The following SOX5 variants were observed in gnomAD, a reference collection of about 807,000 sequenced individuals.
SOX5 encodes the protein transcription factor SOX-5.
A neutral mutation model predicts 92.0 loss-of-function variants in SOX5; 9 were observed. That is an observed-to-expected ratio of 0.10 (90% confidence interval 0.06 to 0.17). SOX5 has a LOEUF of 0.17. Ranked by LOEUF, SOX5 falls within the 10% of genes least tolerant of loss-of-function variation. The pLI, the probability that SOX5 is intolerant of heterozygous loss-of-function variation, is 1.00. For synonymous variants in SOX5, 344 were observed against 336.3 expected, an observed-to-expected ratio of 1.02 and a Z score of -0.25; for missense variants, 642 against 944.5, an observed-to-expected ratio of 0.68 and a Z score of 4.20.
intron 3 of SOX5, among the ~76,000 whole-genome samples, chr12:23,843,569 T>TTA (rs2096542390): frequency 7.6e-6 from 1 of 130,946 alleles, no homozygotes; most frequent in Admixed American, 7.7e-5. Flanking sequence ...TTTTTTTTTT[T>TTA]TTTTTTTTTT....
chr12:24,435,408 A>G (rs1295048542), intron 1 of SOX5, among the ~76,000 whole-genome samples: 1 of 152,232 alleles, frequency 6.6e-6, no homozygotes, highest in Non-Finnish European at 1.5e-5. Context: ...TTGGGTCACT[A>G]TCATTCACAA....
intron 1 of SOX5, among the ~76,000 whole-genome samples, chr12:23,910,839 A>C (rs1311667541): frequency 6.6e-6 from 1 of 152,070 alleles, no homozygotes; most frequent in Non-Finnish European, 1.5e-5. Context: ...TTCAACATAA[A>C]ATGTATATTT....
At chr12:24,067,672 T>C (rs1940985104) in intron 4 of SOX5, among the ~76,000 whole-genome samples, 1 of 152,186 alleles carries the variant, frequency 6.6e-6, no homozygotes, top group East Asian at 1.9e-4. Flanking sequence ...TTATGGATTA[T>C]ACATACTCTT....
chr12:24,506,046 T>A (rs372189888), intron 1 of SOX5, among the ~76,000 whole-genome samples: 1 of 152,204 alleles, frequency 6.6e-6, no homozygotes, highest in Non-Finnish European at 1.5e-5. Context: ...CCTCATGATA[T>A]ACTATTAATA....
At chr12:23,650,111 C>A (rs1275157046) in intron 7 of SOX5, among the ~76,000 whole-genome samples, 3 of 152,096 alleles carry the variant, frequency 2.0e-5, no homozygotes, top group East Asian at 1.9e-4. Context: ...TACACACATA[C>A]AATCCCTGTC....
chr12:24,481,181 G>A (rs533214149), intron 1 of SOX5, among the ~76,000 whole-genome samples: 97 of 152,158 alleles, frequency 6.4e-4, no homozygotes, highest in African/African-American at 2.2e-3. Context: ...GCATATTCTC[G>A]CTTATGTGTG....
chr12:23,589,345 C>T (rs1951194690), intron 9 of SOX5, among the ~76,000 whole-genome samples: 3 of 151,834 alleles, frequency 2.0e-5, no homozygotes, highest in South Asian at 2.1e-4. Context: ...AGGATCAACT[C>T]GACTCTTCAG....
intron 9 of SOX5, among the ~76,000 whole-genome samples, chr12:23,596,948 A>C (rs928713458): frequency 6.6e-6 from 1 of 152,212 alleles, no homozygotes; most frequent in Non-Finnish European, 1.5e-5. Context: ...TCCCTAAACG[A>C]CTTAGGTTTT....
intron 11 of SOX5, among the ~76,000 whole-genome samples, chr12:23,548,267 T>C (rs907232940): frequency 3.3e-5 from 5 of 152,102 alleles, no homozygotes; most frequent in African/African-American, 1.2e-4. Flanking sequence ...TCCAAGGTTC[T>C]GAGTTCAGCT....
At chr12:24,296,746 T>A (rs1318048730) in intron 2 of SOX5, among the ~76,000 whole-genome samples, 1 of 151,854 alleles carries the variant, frequency 6.6e-6, no homozygotes, top group Non-Finnish European at 1.5e-5. Flanking sequence ...GTAGATTTCT[T>A]GTCCTAACTA....
chr12:23,544,147 A>G (rs1280705756), intron 12 of SOX5, among the ~76,000 whole-genome samples: 1 of 152,238 alleles, frequency 6.6e-6, no homozygotes, highest in Non-Finnish European at 1.5e-5. Flanking sequence ...AAAGTTATCC[A>G]AAGAGTCCCA....
At chr12:24,090,692 T>G (rs1055352379) in intron 4 of SOX5, among the ~76,000 whole-genome samples, 9 of 152,204 alleles carry the variant, frequency 5.9e-5, no homozygotes, top group African/African-American at 1.7e-4. Context: ...TTACCCCATA[T>G]ACTATCAATG....
intron 6 of SOX5, among the ~76,000 whole-genome samples, chr12:23,696,774 T>C (rs1290069389): frequency 6.6e-6 from 1 of 152,174 alleles, no homozygotes; most frequent in Non-Finnish European, 1.5e-5. Flanking sequence ...ATCACAAATT[T>C]GGAATATGTT....
At chr12:24,490,028 T>G (rs1392031845) in intron 1 of SOX5, among the ~76,000 whole-genome samples, 2 of 152,232 alleles carry the variant, frequency 1.3e-5, no homozygotes, top group African/African-American at 4.8e-5. Flanking sequence ...GTAGAAGCCC[T>G]CACAGCAAAC....
chr12:24,219,195 A>G (rs575064802), intron 3 of SOX5, among the ~76,000 whole-genome samples: 1 of 152,258 alleles, frequency 6.6e-6, no homozygotes, highest in Non-Finnish European at 1.5e-5. Context: ...GATGATTAAT[A>G]GGGTTCAAAA....
intron 2 of SOX5, among the ~76,000 whole-genome samples, chr12:24,340,695 G>A (rs1316481739): frequency 1.3e-5 from 2 of 152,114 alleles, no homozygotes; most frequent in African/African-American, 2.4e-5. Flanking sequence ...TCTCTTTTGA[G>A]GGAAAGACCA....
In SOX5 at chr12:23,860,066, GT is replaced by G. The variant is rs1343866023; in HGVS notation, c.271-13874del. Among the ~76,000 whole-genome samples the G allele has an allele frequency of 2.0e-5, 3 of 152,112 alleles. No individual in the cohort carries two copies. In the East Asian group the frequency reaches 5.8e-4, roughly 29 times the overall value. On this transcript the variant is annotated intron_variant, in intron 2 of 14. Coordinates refer to ENST00000451604, the MANE Select transcript of SOX5 (RefSeq NM_006940.6). ...AGAAACAGAAAACCAAATTCTGCAT[GT>G]TCTCACTTATAAGTGGAAGCTAAAT...
chr12:24,271,386 C>T lies in SOX5; in HGVS notation c.-77+5830G>A, dbSNP rs112591775. On this transcript the variant is annotated intron_variant, in intron 3 of 4. Transcript: ENST00000446891. ...TACTGGACTATGTGAACTTTAACAA[C>T]GACTTGTAGTTTTTTAAAAATCAAT... 9.3e-3 allele frequency among the ~76,000 whole-genome samples: 1,415 copies of T among 152,248 alleles called. 17 individuals carry two copies. Among genetic ancestry groups the T allele is most frequent in the African/African-American group, 0.033 (1,354 of 41,544 alleles).
At chr12:24,296,903 C>A (rs1039453464) in intron 2 of SOX5, among the ~76,000 whole-genome samples, 2 of 145,680 alleles carry the variant, frequency 1.4e-5, no homozygotes, top group African/African-American at 5.1e-5. Context: ...TACTTGCAGA[C>A]CCCACATGGC....
Sources: gnomAD v4.1 joint callset for allele counts (sites outside exome capture counted in the v4.1 genomes callset) on GRCh38, gnomAD v4.1.1 for gene constraint, MANE v1.5 for transcripts, NCBI Gene and HGNC (gene_info 2026-07-23, HGNC 2026-07-21) for gene names.